POC1B: variants seen among roughly 807,000 people sequenced by gnomAD.
The protein encoded by POC1B is POC1 centriolar protein B.
POC1B carries 44 observed loss-of-function variants against 60.6 expected under a neutral mutation model. The observed-to-expected ratio is 0.73, with a 90% CI of 0.57 to 0.93. The LOEUF (loss-of-function observed/expected upper bound fraction) is 0.93. Among genes scored for constraint, POC1B ranks in the 40% least tolerant of loss-of-function variants. POC1B has a pLI of 0.00. For synonymous variants in POC1B, 180 were observed against 198.9 expected (o/e 0.90, Z 0.80); for missense variants, 555 against 572.3 (o/e 0.97, Z 0.31).
intron 10 of POC1B, among the ~76,000 whole-genome samples, chr12:89,445,375 A>G (rs1881734245): frequency 6.6e-6 from 1 of 152,234 alleles, no homozygotes; most frequent in African/African-American, 2.4e-5. Context: ...GGGTACAGGA[A>G]CCAAAACAGC....
intron 10 of POC1B, among the ~76,000 whole-genome samples, chr12:89,444,687 A>C (rs2120739131): frequency 6.6e-6 from 1 of 152,316 alleles, no homozygotes; most frequent in African/African-American, 2.4e-5. Context: ...TCCCTTTGAA[A>C]ACTGGCACAA....
the POC1B span, among the ~76,000 whole-genome samples, chr12:89,403,298 C>T: frequency 2.0e-5 from 3 of 152,214 alleles, no homozygotes; most frequent in Admixed American, 1.3e-4. Context: ...TGAGCCACCA[C>T]GCCCAGCCCT....
At chr12:89,483,789 G>A (rs1443569194) in intron 4 of POC1B, among the ~76,000 whole-genome samples, 1 of 152,124 alleles carries the variant, frequency 6.6e-6, no homozygotes, top group Non-Finnish European at 1.5e-5. Flanking sequence ...ATCACCAGGA[G>A]ACCTTCACTA....
chr12:89,514,837 C>T (rs951500462), intron 2 of POC1B, among the ~76,000 whole-genome samples: 2 of 152,120 alleles, frequency 1.3e-5, no homozygotes, highest in Non-Finnish European at 2.9e-5. Context: ...AAGCCTCAAG[C>T]CTCTCTGGTC....
intron 2 of POC1B, among the ~76,000 whole-genome samples, chr12:89,504,782 A>T (rs889098052): frequency 2.7e-4 from 41 of 152,302 alleles, no homozygotes; most frequent in African/African-American, 9.1e-4. Context: ...AACACATAAC[A>T]AAGTGTGCAT....
chr12:89,415,696 G>T (rs889456570), downstream of POC1B, among the ~76,000 whole-genome samples: 1 of 151,554 alleles, frequency 6.6e-6, no homozygotes, highest in African/African-American at 2.4e-5. Flanking sequence ...ACCATTTATT[G>T]ATCACTTACT....
the POC1B span, among the ~76,000 whole-genome samples, chr12:89,413,735 G>A: frequency 6.6e-6 from 1 of 152,076 alleles, no homozygotes; most frequent in African/African-American, 2.4e-5. Flanking sequence ...CCAAAAAAGT[G>A]AATTTTTTTT....
At chr12:89,446,871 G>A (rs562829855) in intron 10 of POC1B, among the ~76,000 whole-genome samples, 14 of 152,116 alleles carry the variant, frequency 9.2e-5, no homozygotes, top group Non-Finnish European at 2.1e-4. Flanking sequence ...CATATGACAG[G>A]CAGAAGCAAT....
intron 9 of POC1B, among the ~76,000 whole-genome samples, chr12:89,464,483 G>GTTTTTTT (rs766668019): frequency 4.2e-4 from 40 of 94,734 alleles, no homozygotes; most frequent in Non-Finnish European, 5.4e-4. Context: ...TTTTATAAGA[G>GTTTTTTT]TTTTTTTTTT....
Position 89,497,354 on chromosome 12 carries a change from T to C in POC1B, c.101-12A>G, listed in dbSNP as rs199839433. ...CCAAGAAGCAGTAGCTATCAAGAAA[T>C]AGAAGAACAAAACCACTGTTTGTTA... On this transcript the variant is annotated splice_polypyrimidine_tract_variant and intron_variant, in intron 2 of 11. Transcript: ENST00000313546. 4.4e-4 allele frequency: 706 copies of C among 1,607,158 alleles called. 11 individuals are homozygous for C. The South Asian group carries it at 7.3e-3, about 17-fold the overall frequency.
At chr12:89,490,324 T>TTTG (rs1034916600) in intron 4 of POC1B, among the ~76,000 whole-genome samples, 1 of 152,032 alleles carries the variant, frequency 6.6e-6, no homozygotes, top group Non-Finnish European at 1.5e-5. Context: ...CCAGGCAGTT[T>TTTG]TTGTTGTTGT....
chr12:89,446,570 G>T (rs918901177), intron 10 of POC1B, among the ~76,000 whole-genome samples: 3 of 152,146 alleles, frequency 2.0e-5, no homozygotes, highest in Admixed American at 1.3e-4. Flanking sequence ...CTTGGACACA[G>T]GGTGGGGAAC....
chr12:89,431,120 G>A (rs1168356940), intron 10 of POC1B, among the ~76,000 whole-genome samples: 2 of 151,662 alleles, frequency 1.3e-5, no homozygotes, highest in Non-Finnish European at 2.9e-5. Flanking sequence ...GCAAAAGTAG[G>A]CATTTCACAT....
intron 2 of POC1B, among the ~76,000 whole-genome samples, chr12:89,511,185 G>A (rs1870168078): frequency 6.6e-6 from 1 of 152,040 alleles, no homozygotes; most frequent in Non-Finnish European, 1.5e-5. Flanking sequence ...CACTTTGGGA[G>A]GCTGAGGCGG....
At chr12:89,465,855 G>C (rs1301379293) in intron 9 of POC1B, among the ~76,000 whole-genome samples, 1 of 152,126 alleles carries the variant, frequency 6.6e-6, no homozygotes, top group Non-Finnish European at 1.5e-5. Context: ...AAAAAACAAA[G>C]AACAAAAACA....
At chr12:89,463,602 A>C (rs758978594) in intron 9 of POC1B, among the ~76,000 whole-genome samples, 15 of 152,200 alleles carry the variant, frequency 9.9e-5, no homozygotes, top group Non-Finnish European at 2.2e-4. Context: ...TCCCATCAAA[A>C]AAAAGAGAGA....
At chr12:89,525,350 C>T (rs1871361582) in intron 1 of POC1B, 146 bp from the exon 2 acceptor site, 1 of 1,432,360 alleles carries the variant, frequency 7.0e-7, no homozygotes, top group Non-Finnish European at 9.1e-7. Flanking sequence ...CGGGCAGCAG[C>T]CCACCCACGG....
intron 4 of POC1B, among the ~76,000 whole-genome samples, chr12:89,473,735 ACCCTG>A (rs1882999877): frequency 1.3e-5 from 2 of 151,270 alleles, no homozygotes; most frequent in African/African-American, 4.9e-5. Flanking sequence ...TGGGTAGTTT[ACCCTG>A]ATTTTACAGT....
chr12:89,430,253 G>A (rs887804902), intron 10 of POC1B, among the ~76,000 whole-genome samples: 1 of 152,128 alleles, frequency 6.6e-6, no homozygotes, highest in African/African-American at 2.4e-5. Context: ...AAAGTCCTGA[G>A]AACTGAATAC....
Sources: allele counts gnomAD v4.1 joint callset (sites outside exome capture counted in the v4.1 genomes callset), GRCh38; gene constraint gnomAD v4.1.1; transcripts MANE v1.5; gene names NCBI Gene and HGNC (gene_info 2026-07-23, HGNC 2026-07-21).